Variants in CFAP299 observed in about 807,000 individuals in gnomAD.
CFAP299 encodes cilia and flagella associated protein 299.
CFAP299 carries 21 observed loss-of-function variants against 27.0 expected under a neutral mutation model. The ratio of observed to expected loss-of-function variants is 0.78; its 90% confidence interval spans 0.55 to 1.12. The LOEUF is 1.12. Among genes scored for constraint, CFAP299 ranks in the 50% most tolerant of loss-of-function variants. The pLI is 0.00. For synonymous variants in CFAP299, 104 were observed against 98.1 expected (o/e 1.06, Z -0.36); for missense variants, 310 against 276.6 (o/e 1.12, Z -0.86).
intron 3 of CFAP299, among the ~76,000 whole-genome samples, chr4:80,802,578 TTGA>T (rs1374173512): frequency 6.6e-6 from 1 of 152,038 alleles, no homozygotes; most frequent in African/African-American, 2.4e-5. Flanking sequence ...CAAAAAGTAT[TTGA>T]TATTTGAAAC....
chr4:80,929,045 T>C (rs1034129738), intron 4 of CFAP299, among the ~76,000 whole-genome samples: 2 of 152,116 alleles, frequency 1.3e-5, no homozygotes, highest in Non-Finnish European at 2.9e-5. Flanking sequence ...GAACAAAAGG[T>C]CAGACATGCT....
At chr4:80,823,271 C>G (rs959877663) in intron 3 of CFAP299, among the ~76,000 whole-genome samples, 3 of 152,142 alleles carry the variant, frequency 2.0e-5, no homozygotes, top group African/African-American at 7.2e-5. Context: ...TAGTTTAGGC[C>G]TTCACCTGCC....
At chr4:80,924,538 G>GTATATATATATATATATA (rs1553906748) in intron 4 of CFAP299, among the ~76,000 whole-genome samples, 1 of 131,670 alleles carries the variant, frequency 7.6e-6, no homozygotes, top group African/African-American at 3.1e-5. Flanking sequence ...GTGTGTGTGT[G>GTATATATATATATATATA]TATATATATA....
chr4:80,689,346 G>A (rs546305974), intron 3 of CFAP299, among the ~76,000 whole-genome samples: 9 of 152,110 alleles, frequency 5.9e-5, no homozygotes, highest in East Asian at 5.8e-4. Flanking sequence ...CGGATCTCTC[G>A]GCAGAAACTC....
intron 5 of CFAP299, among the ~76,000 whole-genome samples, chr4:80,960,149 T>C (rs1246406938): frequency 6.6e-6 from 1 of 151,510 alleles, no homozygotes; most frequent in African/African-American, 2.4e-5. Context: ...AGGCAAATAG[T>C]AAGCTAAGAA....
intron 3 of CFAP299, among the ~76,000 whole-genome samples, chr4:80,794,048 T>C (rs1350838137): frequency 6.6e-6 from 1 of 152,210 alleles, no homozygotes; most frequent in African/African-American, 2.4e-5. Flanking sequence ...CAGGGCATAG[T>C]AATACTAAGA....
chr4:80,810,917 A>G (rs1729120159), intron 3 of CFAP299, among the ~76,000 whole-genome samples: 2 of 152,096 alleles, frequency 1.3e-5, no homozygotes, highest in South Asian at 2.1e-4. Flanking sequence ...CTTCAGCAAA[A>G]CATGCCAGCT....
chr4:80,359,014 G>T (rs1056100880), intron 1 of CFAP299, among the ~76,000 whole-genome samples: 1 of 152,002 alleles, frequency 6.6e-6, no homozygotes, highest in Non-Finnish European at 1.5e-5. Flanking sequence ...ATCAGGTCTG[G>T]TTGTAACAAA....
chr4:80,925,980 C>T lies in CFAP299; in HGVS notation c.477-18830C>T, dbSNP rs369379226. Among the ~76,000 whole-genome samples, 307 of 152,078 alleles carry T rather than the reference C, an allele frequency of 2.0e-3. 3 individuals are homozygous for T. The highest frequency in any genetic ancestry group is 6.8e-3 in the African/African-American group (284 of 41,518). On this transcript the variant is annotated intron_variant, in intron 4 of 5. Coordinates refer to ENST00000358105, the MANE Select transcript of CFAP299 (RefSeq NM_152770.3). ...AACTTTAGTTTCTACAGTAGATTAT[C>T]CATTTGTTCCAGAACTTGGAATATA...
At chr4:80,898,262 G>A (rs888501309) in intron 4 of CFAP299, among the ~76,000 whole-genome samples, 3 of 152,118 alleles carry the variant, frequency 2.0e-5, no homozygotes, top group Non-Finnish European at 4.4e-5. Context: ...GGTTTCAGCA[G>A]GATGGGGAGT....
intron 1 of CFAP299, among the ~76,000 whole-genome samples, chr4:80,344,096 C>G (rs1285034274): frequency 6.6e-6 from 1 of 151,942 alleles, no homozygotes; most frequent in Non-Finnish European, 1.5e-5. Context: ...ACCAGAGTAC[C>G]AAGAGCAAAC....
intron 3 of CFAP299, among the ~76,000 whole-genome samples, chr4:80,753,714 T>G (rs1725068377): frequency 6.6e-6 from 1 of 152,176 alleles, no homozygotes; most frequent in African/African-American, 2.4e-5. Flanking sequence ...TTTGGGACAT[T>G]TCAATTGAAT....
At chr4:80,907,181 C>T (rs930218542) in intron 4 of CFAP299, among the ~76,000 whole-genome samples, 1 of 152,306 alleles carries the variant, frequency 6.6e-6, no homozygotes, top group Admixed American at 6.5e-5. Context: ...ATAATAGTCA[C>T]CTTTGCTTCA....
intron 2 of CFAP299, among the ~76,000 whole-genome samples, chr4:80,520,841 C>A (rs1327278887): frequency 6.6e-6 from 1 of 152,086 alleles, no homozygotes; most frequent in East Asian, 1.9e-4. Context: ...TCTTATTCCA[C>A]AAATAATTTA....
chr4:80,941,199 C>T (rs1737177393), intron 4 of CFAP299, among the ~76,000 whole-genome samples: 2 of 152,122 alleles, frequency 1.3e-5, no homozygotes, highest in Non-Finnish European at 2.9e-5. Flanking sequence ...AAAGTCTGTA[C>T]ATGTTCAATA....
chr4:80,731,028 T>C (rs531991016), intron 3 of CFAP299, among the ~76,000 whole-genome samples: 7 of 152,322 alleles, frequency 4.6e-5, no homozygotes, highest in Non-Finnish European at 8.8e-5. Context: ...TATCTTATTA[T>C]TATACATATT....
chr4:80,436,666 T>C (rs1026009780), intron 2 of CFAP299, among the ~76,000 whole-genome samples: 1 of 152,184 alleles, frequency 6.6e-6, no homozygotes, highest in African/African-American at 2.4e-5. Flanking sequence ...ACTAAATTTT[T>C]TGAAACATAG....
chr4:80,484,043 G>C (rs927371826), intron 2 of CFAP299, among the ~76,000 whole-genome samples: 1 of 152,070 alleles, frequency 6.6e-6, no homozygotes, highest in African/African-American at 2.4e-5. Context: ...ATATAGCATA[G>C]TGATTTTAAA....
chr4:80,897,078 T>G (rs1223914483), intron 4 of CFAP299, among the ~76,000 whole-genome samples: 1 of 152,020 alleles, frequency 6.6e-6, no homozygotes, highest in Non-Finnish European at 1.5e-5. Context: ...CATGGCAAAT[T>G]TTAGGAACAG....
Sources: allele counts gnomAD v4.1 joint callset (sites outside exome capture counted in the v4.1 genomes callset), GRCh38; gene constraint gnomAD v4.1.1; transcripts MANE v1.5; gene names NCBI Gene and HGNC (gene_info 2026-07-23, HGNC 2026-07-21).